Variants in SMOC2 observed in about 807,000 individuals in gnomAD.
SMOC2 encodes SPARC-related modular calcium-binding protein 2.
A neutral mutation model predicts 61.4 loss-of-function variants in SMOC2; 39 were observed. That is an observed-to-expected ratio of 0.64 (90% CI 0.49 to 0.83). SMOC2 has a LOEUF of 0.83. Among genes scored for constraint, SMOC2 ranks in the 40% least tolerant of loss-of-function variants. SMOC2 has a pLI of 0.00. For missense variants in SMOC2, 556 were observed against 592.9 expected (o/e 0.94, Z 0.65); for synonymous variants, 247 against 239.9 (o/e 1.03, Z -0.27).
At chr6:168,592,715 C>T (rs1337826663) in intron 7 of SMOC2, among the ~76,000 whole-genome samples, 1 of 55,250 alleles carries the variant, frequency 1.8e-5, no homozygotes, top group Admixed American at 1.6e-4. Context: ...AGCTCCTCCT[C>T]CTTCCTGAGG....
intron 7 of SMOC2, among the ~76,000 whole-genome samples, chr6:168,583,897 G>A (rs927064246): frequency 6.7e-6 from 1 of 149,586 alleles, no homozygotes; most frequent in Non-Finnish European, 1.5e-5. Flanking sequence ...AGAGGAGGGC[G>A]AGGGCCTTGC....
At chr6:168,631,623 T>C (rs538778302) in intron 9 of SMOC2, among the ~76,000 whole-genome samples, 1 of 152,212 alleles carries the variant, frequency 6.6e-6, no homozygotes, top group Non-Finnish European at 1.5e-5. Flanking sequence ...CTTGAAGGAA[T>C]GCAGACATTG....
At chr6:168,626,432 A>G (rs1482953783) in intron 9 of SMOC2, among the ~76,000 whole-genome samples, 1 of 152,138 alleles carries the variant, frequency 6.6e-6, no homozygotes, top group Non-Finnish European at 1.5e-5. Flanking sequence ...AGAAGGGGAG[A>G]CAGCTGCATT....
intron 9 of SMOC2, among the ~76,000 whole-genome samples, chr6:168,649,349 C>T (rs374461574): frequency 4.6e-5 from 7 of 152,090 alleles, no homozygotes; most frequent in Admixed American, 4.6e-4. Flanking sequence ...TTCTAATGCC[C>T]GAGGTGCTCT....
chr6:168,517,429 G>A (rs1407600717), intron 2 of SMOC2, among the ~76,000 whole-genome samples: 4 of 152,222 alleles, frequency 2.6e-5, no homozygotes, highest in East Asian at 1.9e-4. Flanking sequence ...AAAGCCAGGC[G>A]GCTTCACGTC....
intron 7 of SMOC2, among the ~76,000 whole-genome samples, chr6:168,567,769 T>A (rs1784575147): frequency 6.6e-6 from 1 of 152,216 alleles, no homozygotes; most frequent in South Asian, 2.1e-4. Flanking sequence ...CCAGATGGTG[T>A]GTGTCGGTGT....
At chr6:168,515,000 C>T (rs976129662) in intron 2 of SMOC2, among the ~76,000 whole-genome samples, 4 of 152,178 alleles carry the variant, frequency 2.6e-5, no homozygotes, top group African/African-American at 9.7e-5. Flanking sequence ...TGCAGGGTCA[C>T]AGTGACATTC....
At position 168,599,019 on chromosome 6, in the gene SMOC2, C is replaced by T. The variant is rs935904826; in HGVS notation, c.824+15C>T. The T allele has an allele frequency of 1.3e-6, 2 of 1,562,988 alleles. No homozygotes were observed. Among genetic ancestry groups the T allele is most frequent in the Admixed American group, 1.9e-5 (1 of 52,386 alleles). Reference sequence around the variant, plus strand: ...ACATCCACAAGGTAAATAGGGTGCACCCACCCCCCCCGGGACCATGGGAGG... The same window carrying T: ...ACATCCACAAGGTAAATAGGGTGCATCCACCCCCCCCGGGACCATGGGAGG... On this transcript the variant is annotated intron_variant, in intron 8 of 12. Transcript: ENST00000356284.
intron 11 of SMOC2, 23 bp downstream of exon 11, chr6:168,653,251 C>A (rs753780389): frequency 2.2e-6 from 3 of 1,351,126 alleles, no homozygotes; most frequent in South Asian, 1.2e-5. Context: ...CCACCCCCGA[C>A]CCTGGGCAGT....
At chr6:168,583,095 C>A (rs1172783743) in intron 7 of SMOC2, among the ~76,000 whole-genome samples, 1 of 152,216 alleles carries the variant, frequency 6.6e-6, no homozygotes, top group Non-Finnish European at 1.5e-5. Context: ...GAAAAGTTAC[C>A]ATTGCTTGCT....
intron 7 of SMOC2, among the ~76,000 whole-genome samples, chr6:168,584,016 G>C (rs530515023): frequency 1.3e-5 from 2 of 152,308 alleles, no homozygotes; most frequent in South Asian, 4.1e-4. Context: ...GGCCATCGGA[G>C]GTAAACAAAC....
intron 9 of SMOC2, among the ~76,000 whole-genome samples, chr6:168,642,738 G>A (rs1274916091): frequency 6.6e-6 from 1 of 152,154 alleles, no homozygotes. Context: ...ATAAGCTGCA[G>A]GCACTTTATG....
At chr6:168,455,048 A>G (rs372677131) in intron 1 of SMOC2, among the ~76,000 whole-genome samples, 32 of 152,112 alleles carry the variant, frequency 2.1e-4, no homozygotes, top group Middle Eastern at 3.4e-3. Flanking sequence ...GGAGCCCAGG[A>G]CAGGAGGGGA....
chr6:168,544,126 C>CAGA lies in SMOC2; in HGVS notation c.511+456_511+458dup, dbSNP rs1254517301. Among the ~76,000 whole-genome samples the CAGA allele has an allele frequency of 6.6e-6, 1 of 152,204 alleles. No homozygotes were observed. The highest frequency in any genetic ancestry group is 6.5e-5 in the Admixed American group (1 of 15,284). On this transcript the variant is annotated intron_variant, in intron 5 of 12. Transcript: ENST00000356284. The surrounding 1 kb of genome is among the most constrained non-coding windows in gnomAD (Gnocchi z 4.1). Reference sequence around the variant, plus strand: ...GAGACTGGTACAAACAAGAGCTGAACAGAACCCTTAACCTTAAACATCATG... The same window carrying CAGA: ...GAGACTGGTACAAACAAGAGCTGAACAGAAGAACCCTTAACCTTAAACATCATG...
intron 1 of SMOC2, among the ~76,000 whole-genome samples, chr6:168,464,097 A>G (rs1394475950): frequency 1.3e-5 from 2 of 151,752 alleles, no homozygotes; most frequent in African/African-American, 2.4e-5. Context: ...AGGCTGAGGC[A>G]CAAGAATCAC....
chr6:168,599,717 C>G (rs1201740433), intron 8 of SMOC2, among the ~76,000 whole-genome samples: 1 of 144,764 alleles, frequency 6.9e-6, no homozygotes, highest in Non-Finnish European at 1.5e-5. Context: ...CAGTCACACA[C>G]AACCACTAAT....
rs1163326522 is a variant in SMOC2 at position 168,640,140 on chromosome 6, C to T, written c.908-10541C>T. On this transcript the variant is annotated intron_variant, in intron 9 of 12. Coordinates refer to ENST00000356284, the MANE Select transcript of SMOC2 (RefSeq NM_001166412.2). ...TGGTCAGCCCTCCAGTCTTTGTTCC[C>T]TCCAGGTCCTCGTGGATATCAGCAC... is the stretch of plus-strand genomic sequence containing the variant. Among the ~76,000 whole-genome samples the T allele has an allele frequency of 2.0e-5, 3 of 151,900 alleles. No homozygotes were observed. In the East Asian group the frequency reaches 5.8e-4, roughly 29 times the overall value.
chr6:168,562,014 A>G lies in SMOC2; in HGVS notation c.637+12811A>G, dbSNP rs370963203. Reference sequence around the variant, plus strand: ...GTGTCATTTTCATACCCTGAGACACAAGGCTCTCACTGCATTCTTGGAGGA... The same window carrying G: ...GTGTCATTTTCATACCCTGAGACACGAGGCTCTCACTGCATTCTTGGAGGA... On this transcript the variant is annotated intron_variant, in intron 7 of 12. Transcript: ENST00000356284. Among the ~76,000 whole-genome samples the G allele has an allele frequency of 7.3e-3, 42 of 5,792 alleles. No individual in the cohort carries two copies. In the East Asian group the frequency reaches 0.23, roughly 32 times the overall value. 3.8% of individuals were successfully genotyped at this position (5,792 alleles called of 152,430 possible). A position where few individuals can be genotyped will look rare whatever the true frequency, so the allele number is the denominator to read the frequency against.
intron 11 of SMOC2, among the ~76,000 whole-genome samples, chr6:168,662,154 AACTATTG>A (rs1787525230): frequency 6.6e-6 from 1 of 152,244 alleles, no homozygotes; most frequent in Non-Finnish European, 1.5e-5. Flanking sequence ...TTCATTTGAA[AACTATTG>A]ACCAAGTACT....
Sources: allele counts gnomAD v4.1 joint callset (sites outside exome capture counted in the v4.1 genomes callset), GRCh38; gene constraint gnomAD v4.1.1; non-coding constraint Gnocchi (gnomAD v3.1); transcripts MANE v1.5; gene names NCBI Gene and HGNC (gene_info 2026-07-23, HGNC 2026-07-21).